VPS13B: variants seen among roughly 807,000 people sequenced by gnomAD.
The protein encoded by VPS13B is intermembrane lipid transfer protein VPS13B.
VPS13B carries 285 observed loss-of-function variants against 426.4 expected under a neutral mutation model. The ratio of observed to expected loss-of-function variants is 0.67; its 90% CI spans 0.61 to 0.74. VPS13B has a LOEUF of 0.74. Among genes scored for constraint, VPS13B ranks in the 30% least tolerant of loss-of-function variants. The probability of loss-of-function intolerance (pLI) is 0.00; values close to 1 mark genes in which losing one functional copy is unlikely to be tolerated. For synonymous variants in VPS13B, 1,676 were observed against 1,676.4 expected, an observed-to-expected ratio of 1.00 and a Z score of 0.01; for missense variants, 4,537 against 4,782.6, an observed-to-expected ratio of 0.95 and a Z score of 1.51.
intron 43 of VPS13B, among the ~76,000 whole-genome samples, chr8:99,799,432 C>A (rs1156730402): frequency 6.6e-6 from 1 of 152,208 alleles, no homozygotes; most frequent in Non-Finnish European, 1.5e-5. Flanking sequence ...AGAAAACCAA[C>A]TTGCACAACT....
chr8:99,147,808 T>C (rs764975237), intron 13 of VPS13B, 33 bp from the exon 14 acceptor site: 3 of 1,324,442 alleles, frequency 2.3e-6, no homozygotes, highest in Non-Finnish European at 3.0e-6. Context: ...TTTAAAAATA[T>C]TCTTTATTAA....
chr8:99,468,018 TACTTTA>T (rs923626637), intron 24 of VPS13B, among the ~76,000 whole-genome samples: 3 of 152,224 alleles, frequency 2.0e-5, no homozygotes, highest in Non-Finnish European at 4.4e-5. Flanking sequence ...TTTATTATTA[TACTTTA>T]ACTTCTAGGA....
At chr8:99,855,959 T>TC (rs1489697019) in intron 56 of VPS13B, among the ~76,000 whole-genome samples, 2 of 152,228 alleles carry the variant, frequency 1.3e-5, no homozygotes, top group Non-Finnish European at 2.9e-5. Flanking sequence ...CTTTGCTTTT[T>TC]CACATAAGAA....
At chr8:99,305,803 A>G (rs1236068409) in intron 19 of VPS13B, among the ~76,000 whole-genome samples, 1 of 152,128 alleles carries the variant, frequency 6.6e-6, no homozygotes, top group Non-Finnish European at 1.5e-5. Flanking sequence ...AGAGGCAAAA[A>G]TAAAGAAATG....
At chr8:99,709,293 T>C (rs1052870252) in intron 36 of VPS13B, among the ~76,000 whole-genome samples, 1 of 152,200 alleles carries the variant, frequency 6.6e-6, no homozygotes, top group Non-Finnish European at 1.5e-5. Flanking sequence ...TTGATTTAGA[T>C]TGCATTTTGC....
Position 99,512,096 on chromosome 8 carries a change from T to G in VPS13B, c.4633+584T>G, listed in dbSNP as rs542221145. On this transcript the variant is annotated intron_variant, in intron 29 of 61. Coordinates refer to ENST00000357162, the MANE Select transcript of VPS13B (RefSeq NM_152564.5). ...TAGTGCTTAATTACCAAGCTAGAACTAAATTCAATGTATTATACTTAACAG... is the reference window on the plus strand; with the variant it reads ...TAGTGCTTAATTACCAAGCTAGAACGAAATTCAATGTATTATACTTAACAG... Among the ~76,000 whole-genome samples the G allele has an allele frequency of 3.9e-5, 6 of 152,372 alleles. No homozygotes were observed. In the South Asian group the frequency reaches 1.2e-3, roughly 32 times the overall value.
chr8:99,467,326 G>T (rs1819163375), intron 23 of VPS13B, 88 bp from the exon 24 acceptor site: 5 of 1,327,884 alleles, frequency 3.8e-6, no homozygotes, highest in Non-Finnish European at 5.4e-6. Flanking sequence ...AGTCATAAAT[G>T]TTAAATGTTT....
At chr8:99,724,764 C>G (rs1313692365) in intron 39 of VPS13B, among the ~76,000 whole-genome samples, 1 of 152,154 alleles carries the variant, frequency 6.6e-6, no homozygotes, top group African/African-American at 2.4e-5. Flanking sequence ...GAATTCCAGG[C>G]TCCAGTATCT....
intron 16 of VPS13B, among the ~76,000 whole-genome samples, chr8:99,192,675 T>A (rs1588128719): frequency 6.6e-6 from 1 of 152,222 alleles, no homozygotes; most frequent in Non-Finnish European, 1.5e-5. Context: ...CATTCTAGTT[T>A]GTATTTTTAT....
intron 43 of VPS13B, among the ~76,000 whole-genome samples, chr8:99,806,432 C>G (rs1265940819): frequency 2.6e-5 from 4 of 152,170 alleles, no homozygotes; most frequent in Non-Finnish European, 5.9e-5. Flanking sequence ...GCAACCTGAT[C>G]CAGACCCTTC....
intron 19 of VPS13B, among the ~76,000 whole-genome samples, chr8:99,322,622 T>C (rs1163802902): frequency 6.6e-6 from 1 of 152,224 alleles, no homozygotes; most frequent in African/African-American, 2.4e-5. Flanking sequence ...ATGAATGCAA[T>C]CCACATGTCT....
At chr8:99,802,154 A>G (rs76164459) in intron 43 of VPS13B, among the ~76,000 whole-genome samples, 3 of 130,066 alleles carry the variant, frequency 2.3e-5, no homozygotes, top group Non-Finnish European at 5.0e-5. Context: ...AGTCTCAAAT[A>G]AAAAAAAAAA....
chr8:99,598,935 C>T (rs141482085), intron 33 of VPS13B, among the ~76,000 whole-genome samples: 138 of 151,760 alleles, frequency 9.1e-4, no homozygotes, highest in African/African-American at 3.3e-3. Flanking sequence ...CTTTAGCCAA[C>T]ATAAAATATA....
chr8:99,087,353 G>A (rs1237535049), intron 3 of VPS13B, among the ~76,000 whole-genome samples: 1 of 152,118 alleles, frequency 6.6e-6, no homozygotes, highest in Non-Finnish European at 1.5e-5. Flanking sequence ...GGTGCCGTCT[G>A]TCACCCCTTT....
intron 19 of VPS13B, among the ~76,000 whole-genome samples, chr8:99,349,789 A>G (rs1811772945): frequency 6.6e-6 from 1 of 152,150 alleles, no homozygotes; most frequent in African/African-American, 2.4e-5. Flanking sequence ...AGGAAGGAAG[A>G]TTTTAAATAC....
chr8:99,528,125 C>T (rs761825144), intron 30 of VPS13B, among the ~76,000 whole-genome samples: 12 of 152,184 alleles, frequency 7.9e-5, no homozygotes, highest in Admixed American at 2.6e-4. Context: ...ATAAGAATTA[C>T]ACTGGATTTA....
intron 19 of VPS13B, among the ~76,000 whole-genome samples, chr8:99,373,748 G>A (rs1335228105): frequency 6.6e-6 from 1 of 152,100 alleles, no homozygotes; most frequent in East Asian, 1.9e-4. Context: ...AGCCTGAGAT[G>A]GGAGGATCAC....
At chr8:99,736,093 C>T (rs1304019662) in intron 39 of VPS13B, among the ~76,000 whole-genome samples, 1 of 152,018 alleles carries the variant, frequency 6.6e-6, no homozygotes, top group Non-Finnish European at 1.5e-5. Context: ...GAGACTGGAA[C>T]GTAGCAATTG....
At chr8:99,351,909 A>G (rs973167907) in intron 19 of VPS13B, among the ~76,000 whole-genome samples, 7 of 152,276 alleles carry the variant, frequency 4.6e-5, no homozygotes, top group Non-Finnish European at 7.4e-5. Flanking sequence ...CTTAATATCC[A>G]GAAGGGAAAA....
Sources: gnomAD v4.1 joint callset for allele counts (sites outside exome capture counted in the v4.1 genomes callset) on GRCh38, gnomAD v4.1.1 for gene constraint, MANE v1.5 for transcripts, NCBI Gene and HGNC (gene_info 2026-07-23, HGNC 2026-07-21) for gene names.